Variants in RNF135 observed in about 807,000 individuals in gnomAD.
RNF135 encodes the protein E3 ubiquitin-protein ligase RNF135.
Under a neutral mutation model 41.9 loss-of-function variants are expected in RNF135, and 46 were observed. The ratio of observed to expected loss-of-function variants is 1.10; its 90% CI spans 0.87 to 1.40. RNF135 has a LOEUF of 1.40. Ranked by LOEUF, RNF135 falls within the 40% of genes most tolerant of loss-of-function variation. The pLI is 0.00. For synonymous variants in RNF135, 238 were observed against 223.8 expected, an observed-to-expected ratio of 1.06 and a Z score of -0.57; for missense variants, 539 against 549.8, an observed-to-expected ratio of 0.98 and a Z score of 0.20.
chr17:30,985,433 A>G (rs772028254), intron 2 of RNF135, among the ~76,000 whole-genome samples: 9 of 152,184 alleles, frequency 5.9e-5, no homozygotes, highest in African/African-American at 1.2e-4. Context: ...TCTCATCTCA[A>G]TGCTTGCCCC....
At chr17:30,988,843 G>C (rs1158738680) in intron 3 of RNF135, among the ~76,000 whole-genome samples, 2 of 147,824 alleles carry the variant, frequency 1.4e-5, no homozygotes, top group Non-Finnish European at 3.0e-5. Context: ...GTGCAGTGGT[G>C]CGATCTTGGC....
chr17:30,978,314 T>C (rs1266788055), intron 1 of RNF135, among the ~76,000 whole-genome samples: 4 of 152,222 alleles, frequency 2.6e-5, no homozygotes, highest in Non-Finnish European at 5.9e-5. Flanking sequence ...TTTCTTTGAA[T>C]AAACTTTCTA....
At chr17:30,979,324 G>C (rs1906776040) in intron 1 of RNF135, 2 of 126,430 alleles carry the variant, frequency 1.6e-5, no homozygotes, top group Non-Finnish European at 3.3e-5. Flanking sequence ...GGGCAGAGGC[G>C]CCCCTCACCT....
chr17:30,987,814 T>C, intron 2 of RNF135, 130 bp from the exon 3 acceptor site: 1 of 860,894 alleles, frequency 1.2e-6, no homozygotes, highest in Non-Finnish European at 1.8e-6. Context: ...TTTGAGGGCC[T>C]AATTTTGTTT....
rs1281959387 is a variant in RNF135, at chr17:30,971,363, A to C, written c.290A>C (p.Asp97Ala). 3.9e-6 allele frequency: 6 copies of C among 1,529,260 alleles called. No homozygotes were observed. The South Asian group carries it at 7.2e-5, about 18-fold the overall frequency. The allele number at this position is 1,529,260 out of a possible 1,614,324, so 94.7% of individuals were successfully genotyped here. ...RAAREIQAGS[D>A]PAHCPCPGSS... is the part of the protein sequence containing the mutation. ...GCACGCGAGATACAGGCGGGCTCCG[A>C]CCCTGCCCACTGCCCCTGCCCGGGC... The change falls in exon 1 of 5, where the codon GAC (aspartate) becomes GCC (alanine). Residue 97 changes from aspartate (D) to alanine (A), a missense_variant. Physicochemically the swap from Asp to Ala is moderately radical, Grantham distance 126. Around this residue, in one of 2 missense-constraint regions of RNF135, gnomAD observed 277 missense variants for 212.8 expected, o/e 1.30. Transcript: ENST00000328381.
chr17:30,960,730 ATTTATTTTAT>A, the RNF135 span, among the ~76,000 whole-genome samples: 9 of 135,332 alleles, frequency 6.7e-5, no homozygotes, highest in African/African-American at 3.2e-4. Context: ...ATTTTATTTT[ATTTATTTTAT>A]TTTATTTTTT....
chr17:30,964,564 A>G, the RNF135 span, among the ~76,000 whole-genome samples: 11 of 152,086 alleles, frequency 7.2e-5, no homozygotes, highest in Admixed American at 2.6e-4. Context: ...AGATTGCGCC[A>G]GTGCACTCCA....
chr17:30,963,464 C>T, the RNF135 span, among the ~76,000 whole-genome samples: 6 of 151,716 alleles, frequency 4.0e-5, no homozygotes, highest in South Asian at 4.2e-4. Flanking sequence ...CCCAGCTACT[C>T]GGGAGGCTGA....
chr17:30,975,581 A>G, intron 1 of RNF135: 1 of 820,586 alleles, frequency 1.2e-6, no homozygotes, highest in South Asian at 1.3e-5. Flanking sequence ...CTGGTTCAAG[A>G]ACCACAGAGC....
the RNF135 span, among the ~76,000 whole-genome samples, chr17:30,964,687 C>CT: frequency 1.9e-3 from 266 of 138,380 alleles, no homozygotes; most frequent in East Asian, 8.7e-3. Flanking sequence ...CATTTCTTAT[C>CT]TTTTTTTTTT....
intron 1 of RNF135, chr17:30,976,067 G>C (rs182942709): frequency 4.6e-6 from 1 of 218,650 alleles, no homozygotes; most frequent in African/African-American, 2.3e-5. Flanking sequence ...GTGCGGTGGC[G>C]TGATCTCTGC....
chr17:30,966,884 T>C (rs1712804798), upstream of RNF135, among the ~76,000 whole-genome samples: 1 of 152,128 alleles, frequency 6.6e-6, no homozygotes, highest in Non-Finnish European at 1.5e-5. Flanking sequence ...TATGACTTTT[T>C]TGCATATATC....
intron 3 of RNF135, among the ~76,000 whole-genome samples, chr17:30,994,695 A>G (rs1016831827): frequency 6.6e-6 from 1 of 150,718 alleles, no homozygotes; most frequent in Non-Finnish European, 1.5e-5. Flanking sequence ...GTGCAATGGC[A>G]TGATCTCGGC....
chr17:30,981,358 G>GGGAGAA (rs1907142551), intron 1 of RNF135, among the ~76,000 whole-genome samples: 1 of 151,330 alleles, frequency 6.6e-6, no homozygotes, highest in African/African-American at 2.4e-5. Flanking sequence ...TGGAGGGAGA[G>GGGAGAA]GGAGAGGGAG....
intron 1 of RNF135, among the ~76,000 whole-genome samples, chr17:30,982,038 C>T (rs1246026579): frequency 6.6e-6 from 1 of 152,224 alleles, no homozygotes; most frequent in African/African-American, 2.4e-5. Flanking sequence ...TTGTTAACCA[C>T]TATCTGGCTA....
At position 30,998,852 on chromosome 17, in the gene RNF135, G is replaced by A. The variant is rs1227675888; in HGVS notation, c.960G>A (p.Arg320=). The change falls in exon 5 of 5, where the codon AGG becomes AGA. Residue 320 remains arginine (R), a synonymous_variant. Transcript: ENST00000328381. ...AGCATTACTGGGAAGTGGACACTAG[G>A]AATTGCAGCCACTGGGCAGTTGGGG... ...SGKHYWEVDT[R]NCSHWAVGVA... is the part of the protein sequence containing the mutation. 4 of 1,613,036 alleles carry A rather than the reference G, an allele frequency of 2.5e-6. No homozygotes were observed. Among genetic ancestry groups the A allele is most frequent in the South Asian group, 2.2e-5 (2 of 90,978 alleles).
rs745775948 is a variant in RNF135, at chr17:30,971,142, C to A, written c.69C>A (p.Ile23=). The A allele has an allele frequency of 8.6e-5, 132 of 1,533,928 alleles. No homozygotes were observed. The highest frequency in any genetic ancestry group is 1.7e-4 in the Middle Eastern group (1 of 5,774). The change falls in exon 1 of 5, where the codon ATC becomes ATA. Residue 23 remains isoleucine (I), a synonymous_variant. Coordinates refer to ENST00000328381, the MANE Select transcript of RNF135 (RefSeq NM_032322.4). ...CCGAGGACGACCTCGGCTGCATCAT[C>A]TGCCAGGGGCTGCTGGACTGGCCCG... ...WLAEDDLGCI[I]CQGLLDWPAT...
chr17:30,986,209 T>C (rs1036594558), intron 2 of RNF135, among the ~76,000 whole-genome samples: 9 of 151,950 alleles, frequency 5.9e-5, no homozygotes, highest in African/African-American at 2.2e-4. Flanking sequence ...ATAGGGACTT[T>C]TGATGCTTTT....
rs374988959 is a variant in RNF135 at position 30,999,062 on chromosome 17, T to C, written c.1170T>C (p.Tyr390=). The part of the protein sequence containing the change: ...LNLEEGKLAF[Y]SVDNQEKLLY... ...TTGAGGAGGGAAAGCTTGCCTTCTATTCAGTGGACAATCAGGAGAAGCTTC... is the reference window on the plus strand; with the variant it reads ...TTGAGGAGGGAAAGCTTGCCTTCTACTCAGTGGACAATCAGGAGAAGCTTC... The change falls in exon 5 of 5, where the codon TAT becomes TAC. Residue 390 remains tyrosine (Y), a synonymous_variant. Coordinates refer to ENST00000328381, the MANE Select transcript of RNF135 (RefSeq NM_032322.4). The C allele has an allele frequency of 1.1e-5, 17 of 1,614,038 alleles. No homozygotes were observed. The highest frequency in any genetic ancestry group is 1.3e-5 in the Non-Finnish European group (15 of 1,180,032).
Sources: gnomAD v4.1 joint callset for allele counts (sites outside exome capture counted in the v4.1 genomes callset) on GRCh38, gnomAD v4.1.1 for gene constraint, gnomAD v4.1.1 regional missense constraint, MANE v1.5 for transcripts, NCBI Gene and HGNC (gene_info 2026-07-23, HGNC 2026-07-21) for gene names.